FCGRT: variants seen among roughly 807,000 people sequenced by gnomAD.
The protein encoded by FCGRT is Fc gamma receptor and transporter, also known as IgG receptor FcRn large subunit p51.
Under a neutral mutation model 35.7 loss-of-function variants are expected in FCGRT, and 13 were observed. The ratio of observed to expected loss-of-function variants is 0.36; its 90% CI spans 0.24 to 0.58. FCGRT has a LOEUF of 0.58. FCGRT is among the 20% of genes least tolerant of loss of function. The probability of loss-of-function intolerance (pLI) is 0.77; values close to 1 mark genes in which losing one functional copy is unlikely to be tolerated. For synonymous variants in FCGRT, 233 were observed against 216.5 expected (o/e 1.08, Z -0.67); for missense variants, 455 against 474.9 (o/e 0.96, Z 0.39).
Position 49,514,204 on chromosome 19 carries a change from G to A in FCGRT, c.326-7G>A. ...GGGCCCCGCTTACCTGTGTTTGGGC[G>A]CCCCAGGTCCCTACACTCTGCAGGG... On this transcript the variant is annotated splice_region_variant and splice_polypyrimidine_tract_variant and intron_variant, in intron 3 of 6. Transcript: ENST00000221466. 6.2e-7 allele frequency: 1 copy of A among 1,607,896 alleles called. No individual in the cohort carries two copies. Among genetic ancestry groups the A allele is most frequent in the East Asian group, 2.2e-5 (1 of 44,678 alleles).
At chr19:49,524,827 A>G in intron 5 of FCGRT, 51 bp downstream of exon 5, 1 of 1,538,762 alleles carries the variant, frequency 6.5e-7, no homozygotes, top group Non-Finnish European at 8.8e-7. Context: ...GCCTTGTCTC[A>G]CTGCTGCGCC....
chr19:49,524,918 G>A, intron 5 of FCGRT, 142 bp downstream of exon 5: 1 of 859,646 alleles, frequency 1.2e-6, no homozygotes, highest in Non-Finnish European at 1.9e-6. Flanking sequence ...GCCTGTCAGT[G>A]CCCCCAAAAC....
chr19:49,518,197 C>T (rs1000946663), intron 4 of FCGRT, among the ~76,000 whole-genome samples: 6 of 152,146 alleles, frequency 3.9e-5, no homozygotes, highest in African/African-American at 1.4e-4. Flanking sequence ...ACCATCATCA[C>T]ACCTACAACC....
chr19:49,526,071 C>A lies in FCGRT; in HGVS notation c.1050C>A (p.Ala350=). The A allele has an allele frequency of 1.2e-6, 2 of 1,613,710 alleles. No individual in the cohort carries two copies. Among genetic ancestry groups the A allele is most frequent in the East Asian group, 2.2e-5 (1 of 44,884 alleles). The part of the protein sequence containing the change: ...TGVLLPTPGE[A]QDADLKDVNV... The stretch of plus-strand genomic sequence containing the variant: ...TCCTCCTGCCCACCCCAGGGGAGGC[C>A]CAGGATGCTGATTTGAAGGATGTAA... The change falls in exon 7 of 7, where the codon GCC becomes GCA. Residue 350 remains alanine (A), a synonymous_variant. Transcript: ENST00000221466.
chr19:49,514,627 A>C, intron 4 of FCGRT, 141 bp downstream of exon 4: 7 of 733,520 alleles, frequency 9.5e-6, no homozygotes, highest in East Asian at 3.0e-5. Flanking sequence ...GTCCTTCTAC[A>C]CTCAGCCCTC....
At chr19:49,523,125 CAT>C (rs2080052312) in intron 4 of FCGRT, among the ~76,000 whole-genome samples, 1 of 152,214 alleles carries the variant, frequency 6.6e-6, no homozygotes, top group African/African-American at 2.4e-5. Flanking sequence ...ATGCTGACCT[CAT>C]AAAATATGCT....
At chr19:49,517,490 C>CAAAGAAAGAAGG (rs987225158) in intron 4 of FCGRT, among the ~76,000 whole-genome samples, 1 of 150,752 alleles carries the variant, frequency 6.6e-6, no homozygotes, top group African/African-American at 2.4e-5. Context: ...GACTCTGTCT[C>CAAAGAAAGAAGG]AAAGAAAGAA....
At chr19:49,519,686 T>C (rs575090211) in intron 4 of FCGRT, among the ~76,000 whole-genome samples, 2 of 152,252 alleles carry the variant, frequency 1.3e-5, no homozygotes, top group South Asian at 2.1e-4. Flanking sequence ...AGTTGGTGCG[T>C]ATGTCTGTGT....
chr19:49,513,188 A>G, intron 1 of FCGRT, 199 bp from the exon 2 acceptor site: 3 of 371,628 alleles, frequency 8.1e-6, no homozygotes, highest in Middle Eastern at 6.8e-4. Flanking sequence ...CAGCCTATCA[A>G]GTGTCTGTAA....
intron 6 of FCGRT, 92 bp from the exon 7 acceptor site, chr19:49,525,918 G>C: frequency 2.4e-6 from 2 of 818,146 alleles, no homozygotes; most frequent in Admixed American, 3.4e-5. Flanking sequence ...CTGAGGAAGA[G>C]TGTGTGAGAC....
rs747731822 is a variant in FCGRT at position 49,524,514 on chromosome 19, C to T, written c.609C>T (p.Pro203=). The part of the protein sequence containing the change: ...GRGNLEWKEP[P]SMRLKARPSS... ...CTGCCTGATTTCCTGCAGAGCCCCCCTCCATGCGCCTGAAGGCCCGACCCA... is the reference window on the plus strand; with the variant it reads ...CTGCCTGATTTCCTGCAGAGCCCCCTTCCATGCGCCTGAAGGCCCGACCCA... The change falls in exon 5 of 7, where the codon CCC becomes CCT. Residue 203 remains proline (P), a synonymous_variant. Transcript: ENST00000221466. 9.7e-5 allele frequency: 155 copies of T among 1,606,106 alleles called. No individual in the cohort carries two copies. Among genetic ancestry groups the T allele is most frequent in the Non-Finnish European group, 1.3e-4 (148 of 1,174,154 alleles).
rs2079983331 is a variant in FCGRT at position 49,513,163 on chromosome 19, C to T, written c.-14-224C>T. On this transcript the variant is annotated intron_variant, in intron 1 of 6. Transcript: ENST00000221466. Reference sequence around the variant, plus strand: ...GGGGCGGAAGGGGCGTGGCGGAGCTCGGGGCCGGGACTCTCAGCCTATCAA... The same window carrying T: ...GGGGCGGAAGGGGCGTGGCGGAGCTTGGGGCCGGGACTCTCAGCCTATCAA... 2.7e-5 allele frequency: 9 copies of T among 339,414 alleles called. No homozygotes were observed. In the Admixed American group the frequency reaches 3.9e-4, roughly 15 times the overall value. 21.0% of individuals were successfully genotyped at this position (339,414 alleles called of 1,614,324 possible). A position where few individuals can be genotyped will look rare whatever the true frequency, so the allele number is the denominator to read the frequency against.
At chr19:49,515,163 T>A (rs1245587445) in intron 4 of FCGRT, 1 of 152,106 alleles carries the variant, frequency 6.6e-6, no homozygotes, top group African/African-American at 2.4e-5. Context: ...CCTGGCTAAC[T>A]TTATATTTTG....
Position 49,513,941 on chromosome 19 carries a change from C to G in FCGRT, c.133C>G (p.Pro45Ala), listed in dbSNP as rs774053349. 1.1e-5 allele frequency: 17 copies of G among 1,613,880 alleles called. No individual in the cohort carries two copies. In the Admixed American group the frequency reaches 1.8e-4, roughly 17 times the overall value. The change falls in exon 3 of 7, where the codon CCT becomes GCT. Residue 45 changes from proline to alanine, a missense_variant. Physicochemically the swap from Pro to Ala is conservative, Grantham distance 27. Transcript: ENST00000221466. The stretch of plus-strand genomic sequence containing the variant: ...GGTGTCCTCGCCTGCCCCGGGGACT[C>G]CTGCCTTCTGGGTGTCCGGCTGGCT... ...TAVSSPAPGT[P>A]AFWVSGWLGP...
chr19:49,518,644 C>T (rs1290312571), intron 4 of FCGRT, among the ~76,000 whole-genome samples: 1 of 148,554 alleles, frequency 6.7e-6, no homozygotes, highest in Admixed American at 6.6e-5. Context: ...AGCAATTCTC[C>T]TGCCTCAGCG....
At chr19:49,525,308 A>G (rs758656118) in intron 5 of FCGRT, 149 bp from the exon 6 acceptor site, 24 of 704,668 alleles carry the variant, frequency 3.4e-5, no homozygotes, top group Admixed American at 9.3e-5. Context: ...CAGTCTGCCC[A>G]GATCGCCTGC....
At chr19:49,513,355 C>CGGGGG in intron 1 of FCGRT, 32 bp from the exon 2 acceptor site, 2 of 438,014 alleles carry the variant, frequency 4.6e-6, no homozygotes, top group Non-Finnish European at 6.7e-6. Flanking sequence ...GGCCGGGGGT[C>CGGGGG]GGGAGGAGTC....
Position 49,514,839 on chromosome 19 carries a change from T to G in FCGRT, c.601+353T>G, listed in dbSNP as rs190356456. Among the ~76,000 whole-genome samples the G allele has an allele frequency of 2.5e-3, 380 of 151,764 alleles. 3 individuals carry two copies. The highest frequency in any genetic ancestry group is 1.5e-3 in the Non-Finnish European group (101 of 67,912). On this transcript the variant is annotated intron_variant, in intron 4 of 6. Coordinates refer to ENST00000221466, the MANE Select transcript of FCGRT (RefSeq NM_001136019.3). Reference sequence around the variant, plus strand: ...TCCCGAGTGGCTGGGATTACAGGCATGCACCACCATGCCCGGCTAATTTTG... The same window carrying G: ...TCCCGAGTGGCTGGGATTACAGGCAGGCACCACCATGCCCGGCTAATTTTG...
chr19:49,513,677 CTCTGGGTCTCTGTCCCCCTCTCTT>C (rs1473653893), intron 2 of FCGRT, 181 bp from the exon 3 acceptor site: 2 of 529,844 alleles, frequency 3.8e-6, no homozygotes, highest in South Asian at 3.7e-5. Context: ...CCCTCTCTCT[CTCTGGGTCTCTGTCCCCCTCTCTT>C]TCTGGGTCTC....
Sources: allele counts gnomAD v4.1 joint callset (sites outside exome capture counted in the v4.1 genomes callset), GRCh38; gene constraint gnomAD v4.1.1; transcripts MANE v1.5; gene names NCBI Gene and HGNC (gene_info 2026-07-23, HGNC 2026-07-21).